Variants in SH3KBP1 observed in about 807,000 individuals in gnomAD.
SH3KBP1 encodes the protein SH3 domain-containing kinase-binding protein 1.
SH3KBP1 carries 8 observed loss-of-function variants against 50.1 expected under a neutral mutation model. The ratio of observed to expected loss-of-function variants is 0.16; its 90% CI spans 0.09 to 0.29. The LOEUF is 0.29. Ranked by LOEUF, SH3KBP1 falls within the 10% of genes least tolerant of loss-of-function variation. The probability of loss-of-function intolerance (pLI) is 1.00; values close to 1 mark genes in which losing one functional copy is unlikely to be tolerated. For missense variants in SH3KBP1, 377 were observed against 535.2 expected (o/e 0.70, Z 2.92); for synonymous variants, 227 against 218.6 (o/e 1.04, Z -0.34).
At chrX:19,711,837 T>C (rs991555263) in intron 3 of SH3KBP1, among the ~76,000 whole-genome samples, 8 of 111,631 alleles carry the variant, frequency 7.2e-5, no homozygotes, top group African/African-American at 2.0e-4. Flanking sequence ...GGGTTACTTC[T>C]GGCATTTTCT....
At chrX:19,542,628 C>T (rs1049516341) in intron 15 of SH3KBP1, among the ~76,000 whole-genome samples, 1 of 111,250 alleles carries the variant, frequency 9.0e-6, no homozygotes, top group Non-Finnish European at 1.9e-5. Context: ...ATACAGAGCC[C>T]CAGAAACACA....
intron 1 of SH3KBP1, among the ~76,000 whole-genome samples, chrX:19,837,166 G>C (rs1053063960): frequency 1.8e-5 from 2 of 112,190 alleles, no homozygotes; most frequent in Non-Finnish European, 3.8e-5. Flanking sequence ...AGGTGGCATA[G>C]AGGGCCTGGC....
chrX:19,671,645 C>G (rs1324672151), intron 6 of SH3KBP1, among the ~76,000 whole-genome samples: 1 of 111,967 alleles, frequency 8.9e-6, no homozygotes, highest in Non-Finnish European at 1.9e-5. Flanking sequence ...GATCAAAATC[C>G]CAGTTGAGCT....
At chrX:19,562,841 T>G (rs2065725419) in intron 13 of SH3KBP1, among the ~76,000 whole-genome samples, 1 of 111,847 alleles carries the variant, frequency 8.9e-6, no homozygotes, top group African/African-American at 3.3e-5. Context: ...GGTCAGCTAT[T>G]TTGCAGGCTG....
intron 3 of SH3KBP1, among the ~76,000 whole-genome samples, chrX:19,724,570 T>C (rs1354390370): frequency 8.9e-6 from 1 of 112,216 alleles, no homozygotes; most frequent in African/African-American, 3.2e-5. Flanking sequence ...TCTGCCATTG[T>C]AGTGGTGAAA....
chrX:19,581,141 C>T (rs1015952376), intron 12 of SH3KBP1, among the ~76,000 whole-genome samples: 4 of 111,006 alleles, frequency 3.6e-5, no homozygotes, highest in African/African-American at 1.3e-4. Flanking sequence ...GTAGAGATCT[C>T]TATGTTGCCT....
chrX:19,586,813 T>C (rs1425771793), intron 12 of SH3KBP1, among the ~76,000 whole-genome samples: 1 of 112,098 alleles, frequency 8.9e-6, no homozygotes, highest in African/African-American at 3.2e-5. Flanking sequence ...TGCCTCTACA[T>C]TTGAGCCTGG....
At chrX:19,785,002 T>A (rs1403599104) in intron 2 of SH3KBP1, among the ~76,000 whole-genome samples, 1 of 110,873 alleles carries the variant, frequency 9.0e-6, no homozygotes, top group East Asian at 2.8e-4. Context: ...TATAAAGGTA[T>A]AGGTACATGC....
intron 15 of SH3KBP1, among the ~76,000 whole-genome samples, chrX:19,545,052 C>T (rs966055355): frequency 8.9e-6 from 1 of 112,412 alleles, no homozygotes; most frequent in African/African-American, 3.2e-5. Flanking sequence ...TATAGGATCA[C>T]GTTTTGCTTA....
At chrX:19,771,251 T>C (rs748640623) in intron 2 of SH3KBP1, among the ~76,000 whole-genome samples, 92 of 112,590 alleles carry the variant, frequency 8.2e-4, no homozygotes, top group Non-Finnish European at 1.5e-3. Context: ...ATTTAAAGTA[T>C]GTCCAAAATT....
intron 2 of SH3KBP1, among the ~76,000 whole-genome samples, chrX:19,790,955 C>A (rs768079756): frequency 9.0e-6 from 1 of 110,750 alleles, no homozygotes; most frequent in Non-Finnish European, 1.9e-5. Context: ...TATTGTCTCC[C>A]AACTTTATAT....
rs778388693 is a variant in SH3KBP1, at chrX:19,671,755, T to C, written c.726+12068A>G. On this transcript the variant is annotated intron_variant, in intron 6 of 17. Transcript: ENST00000397821. ...ATAATGGCACCAACCTACAGGGCTG[T>C]CTGGAAAATTAAATAATATATGTAA... Among the ~76,000 whole-genome samples the C allele has an allele frequency of 3.6e-5, 4 of 111,714 alleles. No individual in the cohort carries two copies. The Admixed American group carries it at 3.8e-4, about 11-fold the overall frequency.
At chrX:19,592,175 C>A in intron 10 of SH3KBP1, 28 bp from the exon 11 acceptor site, 2 of 1,097,951 alleles carry the variant, frequency 1.8e-6, no homozygotes, top group Non-Finnish European at 1.3e-6. Flanking sequence ...ATAGTGATCA[C>A]AAAATGTTTT....
At chrX:19,598,229 T>TTTTATTTA (rs60833421) in intron 9 of SH3KBP1, among the ~76,000 whole-genome samples, 1,679 of 101,902 alleles carry the variant, frequency 0.016, 26 homozygotes, top group African/African-American at 0.044. Context: ...GCAAGTCTGT[T>TTTTATTTA]TTTATTTATT....
At chrX:19,688,683 C>T (rs2148612740) in intron 5 of SH3KBP1, among the ~76,000 whole-genome samples, 1 of 108,240 alleles carries the variant, frequency 9.2e-6, no homozygotes, top group Non-Finnish European at 1.9e-5. Flanking sequence ...GAGAGTACCA[C>T]CGACAGGCAA....
At chrX:19,579,755 T>A (rs1479887035) in intron 12 of SH3KBP1, among the ~76,000 whole-genome samples, 1 of 111,832 alleles carries the variant, frequency 8.9e-6, no homozygotes, top group Non-Finnish European at 1.9e-5. Context: ...GACAAGGTAC[T>A]TCCCCCCATG....
intron 7 of SH3KBP1, among the ~76,000 whole-genome samples, chrX:19,637,619 T>C: frequency 9.0e-6 from 1 of 111,067 alleles, no homozygotes; most frequent in Non-Finnish European, 1.9e-5. Context: ...TTGGGGTATG[T>C]TTCCCAATCA....
intron 2 of SH3KBP1, among the ~76,000 whole-genome samples, chrX:19,756,036 G>A (rs142771494): frequency 0.011 from 1,212 of 110,466 alleles, 25 homozygotes; most frequent in African/African-American, 0.037. Flanking sequence ...GCTCCTGGCC[G>A]AATAAACCAC....
chrX:19,542,071 T>C lies in SH3KBP1; in HGVS notation c.1746A>G (p.Gly582=), dbSNP rs751767664. 8.3e-7 allele frequency: 1 copy of C among 1,211,867 alleles called. No individual in the cohort carries two copies. Among genetic ancestry groups the C allele is most frequent in the South Asian group, 1.8e-5 (1 of 56,959 alleles). ...ACAGAGACGGGGAGTTGGCTCTGTG[T>C]CCAGCTGTTCCCAAAGAGGATGACA... ...SPLSSSLGTA[G]HRANSPSLFG... Residue 582 remains glycine, a synonymous_variant, in exon 16 of 18, where the codon GGA becomes GGG. Transcript: ENST00000397821.
Sources: gnomAD v4.1 joint callset for allele counts (sites outside exome capture counted in the v4.1 genomes callset) on GRCh38, gnomAD v4.1.1 for gene constraint, MANE v1.5 for transcripts, NCBI Gene and HGNC (gene_info 2026-07-23, HGNC 2026-07-21) for gene names.